Variants in STIM1 observed in about 807,000 individuals in gnomAD.
STIM1 encodes stromal interaction molecule 1.
In STIM1, 25 loss-of-function variants were observed where a neutral mutation model predicts 74.7. That is an observed-to-expected ratio of 0.33 (90% CI 0.24 to 0.47). The LOEUF (loss-of-function observed/expected upper bound fraction) is 0.47, where lower values mean the gene tolerates loss of function less well. Ranked by LOEUF, STIM1 falls within the 20% of genes least tolerant of loss-of-function variation. The pLI, the probability that STIM1 is intolerant of heterozygous loss-of-function variation, is 1.00. For missense variants in STIM1, 728 were observed against 920.8 expected (o/e 0.79, Z 2.71); for synonymous variants, 328 against 348.8 (o/e 0.94, Z 0.66).
intron 1 of STIM1, among the ~76,000 whole-genome samples, chr11:3,949,531 G>A (rs1383217859): frequency 2.6e-5 from 4 of 152,204 alleles, no homozygotes; most frequent in Non-Finnish European, 5.9e-5. Flanking sequence ...GGTGTCTCAT[G>A]AATCCATATT....
At chr11:3,889,730 A>G (rs1256551414) in intron 1 of STIM1, among the ~76,000 whole-genome samples, 1 of 152,176 alleles carries the variant, frequency 6.6e-6, no homozygotes, top group Non-Finnish European at 1.5e-5. Flanking sequence ...GGTTTGGTAG[A>G]TGCCTAACAG....
chr11:3,942,788 G>A (rs2135616089), intron 1 of STIM1, among the ~76,000 whole-genome samples: 1 of 152,266 alleles, frequency 6.6e-6, no homozygotes, highest in Middle Eastern at 3.4e-3. Flanking sequence ...ATGTCTTAAG[G>A]CCATTTGTGG....
At chr11:3,988,671 A>C (rs1366167915) in intron 2 of STIM1, among the ~76,000 whole-genome samples, 3 of 152,332 alleles carry the variant, frequency 2.0e-5, no homozygotes, top group Non-Finnish European at 4.4e-5. Flanking sequence ...GGACTACCAC[A>C]ACCAAAGATG....
At chr11:3,995,323 T>G (rs1002878504) in intron 2 of STIM1, among the ~76,000 whole-genome samples, 1 of 152,150 alleles carries the variant, frequency 6.6e-6, no homozygotes, top group Non-Finnish European at 1.5e-5. Context: ...GGCTTATTAT[T>G]ATTTGCTTGT....
intron 1 of STIM1, among the ~76,000 whole-genome samples, chr11:3,872,213 C>T (rs1303383457): frequency 6.6e-6 from 1 of 152,054 alleles, no homozygotes; most frequent in Non-Finnish European, 1.5e-5. Flanking sequence ...CCACCACGCC[C>T]GGCTAAGTTT....
intron 3 of STIM1, among the ~76,000 whole-genome samples, chr11:4,034,013 G>A (rs1438892677): frequency 6.6e-6 from 1 of 151,376 alleles, no homozygotes; most frequent in Non-Finnish European, 1.5e-5. Flanking sequence ...GGTGGATCAC[G>A]AGGTCAGGAG....
At position 3,895,677 on chromosome 11, in the gene STIM1, TC is replaced by T. The variant is rs1565104889; in HGVS notation, c.139+39270del. Among the ~76,000 whole-genome samples the T allele has an allele frequency of 2.5e-3, 126 of 50,258 alleles. 10 individuals carry two copies. The highest frequency in any genetic ancestry group is 0.021 in the Middle Eastern group (3 of 142). The allele number at this position is 50,258 out of a possible 152,430, so 33.0% of individuals were successfully genotyped here. A position where few individuals can be genotyped will look rare whatever the true frequency, so the allele number is the denominator to read the frequency against. ...TTCTTTCTTTCTTTCTTTCTTTCCT[TC>T]CTTCCTTCTTTCTTTCTTTCTTTCT... On this transcript the variant is annotated intron_variant, in intron 1 of 12. Coordinates refer to ENST00000526596, the MANE Select transcript of STIM1 (RefSeq NM_001382567.1).
intron 1 of STIM1, among the ~76,000 whole-genome samples, chr11:3,893,234 T>C (rs2091951173): frequency 6.6e-6 from 1 of 152,248 alleles, no homozygotes; most frequent in Non-Finnish European, 1.5e-5. Context: ...TTATGTGTTA[T>C]TTATTTTGTC....
intron 1 of STIM1, among the ~76,000 whole-genome samples, chr11:3,870,037 G>C (rs2091023269): frequency 6.6e-6 from 1 of 152,212 alleles, no homozygotes; most frequent in Admixed American, 6.5e-5. Flanking sequence ...GGGATGATTA[G>C]TGGTGGGGTA....
chr11:4,089,790 G>C (rs2133255914), intron 12 of STIM1, among the ~76,000 whole-genome samples: 1 of 152,256 alleles, frequency 6.6e-6, no homozygotes, highest in South Asian at 2.1e-4. Flanking sequence ...TTTCTTTCTA[G>C]GTCCTATGGT....
At chr11:3,860,482 A>G (rs1033375124) in intron 1 of STIM1, among the ~76,000 whole-genome samples, 3 of 152,212 alleles carry the variant, frequency 2.0e-5, no homozygotes, top group East Asian at 1.9e-4. Context: ...TTTGTGATAA[A>G]TCTGCAATAG....
chr11:4,088,879 C>A (rs758470750), intron 12 of STIM1: 326 of 831,738 alleles, frequency 3.9e-4, no homozygotes, highest in Non-Finnish European at 3.0e-4. Context: ...TAGGCTTCCT[C>A]CCAGGTTCTT....
At chr11:3,910,748 G>C (rs907540795) in intron 1 of STIM1, among the ~76,000 whole-genome samples, 1 of 151,658 alleles carries the variant, frequency 6.6e-6, no homozygotes, top group African/African-American at 2.4e-5. Context: ...TTGGGAGGCC[G>C]AAGTGGGCGG....
intron 3 of STIM1, among the ~76,000 whole-genome samples, chr11:4,054,017 T>C (rs1244319250): frequency 6.6e-6 from 1 of 152,256 alleles, no homozygotes; most frequent in Non-Finnish European, 1.5e-5. Flanking sequence ...ATCTAGCTAT[T>C]GGGCACTTGA....
chr11:4,014,234 A>G (rs948573796), intron 2 of STIM1, among the ~76,000 whole-genome samples: 46 of 152,046 alleles, frequency 3.0e-4, no homozygotes, highest in Non-Finnish European at 6.5e-4. Context: ...TGTCCCAGAG[A>G]TTCTGGTATG....
intron 1 of STIM1, among the ~76,000 whole-genome samples, chr11:3,945,120 A>G (rs1382274092): frequency 6.6e-6 from 1 of 152,212 alleles, no homozygotes; most frequent in African/African-American, 2.4e-5. Context: ...CTTACTGGCT[A>G]TGTGCTCTTG....
chr11:4,078,466 A>G (rs978455220), intron 7 of STIM1, among the ~76,000 whole-genome samples: 1 of 152,184 alleles, frequency 6.6e-6, no homozygotes, highest in African/African-American at 2.4e-5. Flanking sequence ...CCAGGAAGAA[A>G]ATGACTGGCA....
At chr11:4,015,284 A>G (rs2093884975) in intron 2 of STIM1, among the ~76,000 whole-genome samples, 1 of 152,126 alleles carries the variant, frequency 6.6e-6, no homozygotes. Context: ...TCTGTAAAGG[A>G]TTTTATTTCT....
At chr11:4,000,733 G>A (rs2093707671) in intron 2 of STIM1, among the ~76,000 whole-genome samples, 1 of 152,254 alleles carries the variant, frequency 6.6e-6, no homozygotes, top group African/African-American at 2.4e-5. Flanking sequence ...AAAGCTGGAC[G>A]GAGAATGACT....
Sources: allele counts gnomAD v4.1 joint callset (sites outside exome capture counted in the v4.1 genomes callset), GRCh38; gene constraint gnomAD v4.1.1; transcripts MANE v1.5; gene names NCBI Gene and HGNC (gene_info 2026-07-23, HGNC 2026-07-21).